Variants in SCMH1 observed in about 807,000 individuals in gnomAD.
SCMH1 encodes Scm polycomb group protein homolog 1, also known as polycomb protein SCMH1.
In SCMH1, 37 loss-of-function variants were observed where a neutral mutation model predicts 70.8. The ratio of observed to expected loss-of-function variants is 0.52; its 90% CI spans 0.40 to 0.69. The LOEUF (loss-of-function observed/expected upper bound fraction) is 0.69. SCMH1 is among the 30% of genes least tolerant of loss of function. The pLI is 0.00. For synonymous variants in SCMH1, 292 were observed against 307.4 expected (o/e 0.95, Z 0.52); for missense variants, 607 against 827.3 (o/e 0.73, Z 3.27).
intron 10 of SCMH1, among the ~76,000 whole-genome samples, chr1:41,054,098 C>T (rs1649333885): frequency 6.6e-6 from 1 of 152,128 alleles, no homozygotes; most frequent in Admixed American, 6.5e-5. Context: ...CCTGCCTCGG[C>T]CTCCCAAAGT....
At chr1:41,101,314 T>C (rs1666589992) in intron 8 of SCMH1, among the ~76,000 whole-genome samples, 2 of 152,182 alleles carry the variant, frequency 1.3e-5, no homozygotes, top group South Asian at 4.1e-4. Flanking sequence ...AATAAGCATT[T>C]ATAGGGATGG....
At chr1:41,089,385 G>C (rs1436403712) in intron 8 of SCMH1, among the ~76,000 whole-genome samples, 1 of 152,144 alleles carries the variant, frequency 6.6e-6, no homozygotes, top group African/African-American at 2.4e-5. Flanking sequence ...AGTTGTCCTT[G>C]ACCCCTCTCT....
chr1:41,075,931 T>C lies in SCMH1; in HGVS notation c.746-480A>G, dbSNP rs144219810. Among the ~76,000 whole-genome samples, 339 of 152,306 alleles carry C rather than the reference T, an allele frequency of 2.2e-3. 3 individuals carry two copies. The highest frequency in any genetic ancestry group is 7.6e-3 in the African/African-American group (316 of 41,578). ...CCAGGGATTTTCTACATCAATCTAC[T>C]TGAAGTTTTAGTTTGACTATTGCAG... On this transcript the variant is annotated intron_variant, in intron 8 of 14. Coordinates refer to ENST00000337495, the Ensembl canonical transcript of SCMH1.
At position 41,117,958 on chromosome 1, in the gene SCMH1, C is replaced by T. The variant is rs369015028; in HGVS notation, c.413-948G>A. Reference sequence around the variant, plus strand: ...GTCTCTGTGTCTTGGTGGCAGTGGTCCCCCTGGGCCCAGCTGTCTTTTATC... The same window carrying T: ...GTCTCTGTGTCTTGGTGGCAGTGGTTCCCCTGGGCCCAGCTGTCTTTTATC... On this transcript the variant is annotated intron_variant, in intron 6 of 14. Coordinates refer to ENST00000337495, the Ensembl canonical transcript of SCMH1. 5.3e-5 allele frequency among the ~76,000 whole-genome samples: 8 copies of T among 152,178 alleles called. No individual in the cohort carries two copies. In the East Asian group the frequency reaches 1.2e-3, roughly 22 times the overall value.
chr1:41,211,196 C>T (rs1017977269), intron 1 of SCMH1, among the ~76,000 whole-genome samples: 16 of 152,120 alleles, frequency 1.1e-4, no homozygotes, highest in African/African-American at 3.9e-4. Context: ...AGCTTCTGCA[C>T]AGCAAAAGAA....
At chr1:41,087,157 G>GAAC (rs945583395) in intron 8 of SCMH1, among the ~76,000 whole-genome samples, 18 of 152,012 alleles carry the variant, frequency 1.2e-4, no homozygotes, top group African/African-American at 3.9e-4. Context: ...AATGATAGTG[G>GAAC]AACAATGGAT....
intron 2 of SCMH1, among the ~76,000 whole-genome samples, chr1:41,169,127 G>A (rs1000988423): frequency 8.5e-5 from 13 of 152,048 alleles, no homozygotes; most frequent in African/African-American, 2.7e-4. Flanking sequence ...TGTTTGCTGT[G>A]GTCTAAGGCT....
At chr1:41,139,554 T>C (rs534878134) in intron 6 of SCMH1, among the ~76,000 whole-genome samples, 93 of 152,202 alleles carry the variant, frequency 6.1e-4, no homozygotes, top group Admixed American at 7.9e-4. Flanking sequence ...TTTAATAGCC[T>C]CTCAAATGCT....
At chr1:41,232,584 C>T (rs12037037) in intron 1 of SCMH1, among the ~76,000 whole-genome samples, 16,442 of 152,164 alleles carry the variant, frequency 0.11, 1,267 homozygotes, top group East Asian at 0.27. Flanking sequence ...GGCTTGAAAC[C>T]AAGTCCTATT....
chr1:41,170,769 C>G (rs1041383022), intron 2 of SCMH1, among the ~76,000 whole-genome samples: 8 of 152,100 alleles, frequency 5.3e-5, no homozygotes, highest in African/African-American at 1.7e-4. Flanking sequence ...ACAGTTATTG[C>G]TACCTCACAG....
intron 8 of SCMH1, among the ~76,000 whole-genome samples, chr1:41,084,862 T>C (rs1325436482): frequency 2.0e-5 from 3 of 151,420 alleles, no homozygotes; most frequent in African/African-American, 4.9e-5. Context: ...TCATTCTCAG[T>C]AAACTATCGC....
intron 1 of SCMH1, among the ~76,000 whole-genome samples, chr1:41,190,261 G>A (rs1169906597): frequency 6.6e-6 from 1 of 152,210 alleles, no homozygotes; most frequent in East Asian, 1.9e-4. Context: ...AGACTCAGGG[G>A]AAACATGAGA....
exon 2 of SCMH1, chr1:41,186,152 C>T (rs1190681285): frequency 1.2e-5 from 17 of 1,425,806 alleles, no homozygotes; most frequent in Middle Eastern, 1.7e-4. Context: ...GACTAAAAAC[C>T]GGTCTAGGGG....
intron 10 of SCMH1, among the ~76,000 whole-genome samples, chr1:41,049,856 G>A (rs1558449526): frequency 1.3e-5 from 2 of 151,812 alleles, no homozygotes; most frequent in African/African-American, 4.8e-5. Flanking sequence ...TTAAAGCCAG[G>A]AGTTTGAGAC....
chr1:41,084,873 A>T (rs1454321575), intron 8 of SCMH1, among the ~76,000 whole-genome samples: 1 of 151,820 alleles, frequency 6.6e-6, no homozygotes, highest in East Asian at 1.9e-4. Context: ...AAACTATCGC[A>T]AGAACAAAAA....
rs537248203 is a variant in SCMH1, at chr1:41,185,098, T to C, written c.13+1023A>G. ...TGTTCAATTTGACATTTAAATTCCA[T>C]TTCCAACTTACTATTTTCAAAATAA... On this transcript the variant is annotated intron_variant, in intron 2 of 14. Coordinates refer to ENST00000337495, the Ensembl canonical transcript of SCMH1. Among the ~76,000 whole-genome samples the C allele has an allele frequency of 9.5e-4, 144 of 152,316 alleles. 1 individual carries two copies. Among genetic ancestry groups the C allele is most frequent in the African/African-American group, 3.4e-3 (140 of 41,576 alleles).
chr1:41,203,555 A>G (rs1033472696), intron 1 of SCMH1, among the ~76,000 whole-genome samples: 6 of 152,202 alleles, frequency 3.9e-5, no homozygotes, highest in Non-Finnish European at 8.8e-5. Context: ...ACTGGTCCCA[A>G]AACTGGCCAT....
intron 1 of SCMH1, among the ~76,000 whole-genome samples, chr1:41,223,123 A>G (rs1659619385): frequency 6.6e-6 from 1 of 152,312 alleles, no homozygotes; most frequent in South Asian, 2.1e-4. Context: ...TGAAATGGGC[A>G]AGAGAGATTA....
At chr1:41,057,718 G>C (rs996187201) in intron 10 of SCMH1, among the ~76,000 whole-genome samples, 3 of 152,288 alleles carry the variant, frequency 2.0e-5, no homozygotes, top group African/African-American at 7.2e-5. Context: ...CATGCTGGGG[G>C]CTCTAATGAA....
Sources: gnomAD v4.1 joint callset for allele counts (sites outside exome capture counted in the v4.1 genomes callset) on GRCh38, gnomAD v4.1.1 for gene constraint, MANE v1.5 for transcripts, NCBI Gene and HGNC (gene_info 2026-07-23, HGNC 2026-07-21) for gene names.